RAPGEF5: variants seen among roughly 807,000 people sequenced by gnomAD.
RAPGEF5 encodes Rap guanine nucleotide exchange factor 5, also known as M-Ras-regulated GEF.
RAPGEF5 carries 65 observed loss-of-function variants against 125.2 expected under a neutral mutation model. That is an observed-to-expected ratio of 0.52 (90% CI 0.43 to 0.64). RAPGEF5 has a LOEUF of 0.64. Among genes scored for constraint, RAPGEF5 ranks in the 30% least tolerant of loss-of-function variants. The probability of loss-of-function intolerance (pLI) is 0.00; values close to 1 mark genes in which losing one functional copy is unlikely to be tolerated. For synonymous variants in RAPGEF5, 391 were observed against 385.9 expected (o/e 1.01, Z -0.16); for missense variants, 958 against 1,048.1 (o/e 0.91, Z 1.19).
chr7:22,133,682 C>T (rs1782991305), intron 23 of RAPGEF5, among the ~76,000 whole-genome samples: 2 of 152,282 alleles, frequency 1.3e-5, no homozygotes, highest in Non-Finnish European at 1.5e-5. Context: ...CCCAGTTTAT[C>T]CTCAAACAAC....
chr7:22,197,073 G>A (rs1163017415), intron 9 of RAPGEF5, among the ~76,000 whole-genome samples: 2 of 152,162 alleles, frequency 1.3e-5, no homozygotes, highest in East Asian at 1.9e-4. Context: ...GAGCCAGGAG[G>A]AGAGCCAGGA....
intron 1 of RAPGEF5, among the ~76,000 whole-genome samples, chr7:22,349,271 A>G (rs1784285583): frequency 6.6e-6 from 1 of 151,828 alleles, no homozygotes; most frequent in Non-Finnish European, 1.5e-5. Context: ...TAAAAATACA[A>G]AAATTAGCCA....
intron 7 of RAPGEF5, among the ~76,000 whole-genome samples, chr7:22,243,136 C>G (rs995040889): frequency 6.6e-6 from 1 of 152,094 alleles, no homozygotes; most frequent in Non-Finnish European, 1.5e-5. Context: ...CTCTATATTA[C>G]CATTTTTGAA....
At chr7:22,303,562 A>G (rs907305524) in intron 5 of RAPGEF5, among the ~76,000 whole-genome samples, 1 of 152,224 alleles carries the variant, frequency 6.6e-6, no homozygotes, top group African/African-American at 2.4e-5. Flanking sequence ...GAAGACACTT[A>G]GAAGACAGCA....
chr7:22,330,039 C>T (rs1783884870), intron 1 of RAPGEF5, among the ~76,000 whole-genome samples: 1 of 152,204 alleles, frequency 6.6e-6, no homozygotes, highest in Non-Finnish European at 1.5e-5. Context: ...TATAAAAAAG[C>T]TATGAAGCAA....
At chr7:22,344,997 C>T (rs532264699) in intron 1 of RAPGEF5, among the ~76,000 whole-genome samples, 2 of 152,354 alleles carry the variant, frequency 1.3e-5, no homozygotes, top group South Asian at 4.1e-4. Flanking sequence ...GATGCAGCAA[C>T]AGCATACCCT....
In RAPGEF5 at chr7:22,307,374, T is replaced by C. The variant is rs147139218; in HGVS notation, c.680+965A>G. On this transcript the variant is annotated intron_variant, in intron 5 of 25. Transcript: ENST00000665637. ...AGTGATTCAGTACTGTTTTTTCTAT[T>C]TCTTCAGTGCTCCTTTCAGCAATAT... Among the ~76,000 whole-genome samples, 8 of 152,276 alleles carry C rather than the reference T, an allele frequency of 5.3e-5. 1 individual carries two copies. The highest frequency in any genetic ancestry group is 1.9e-4 in the African/African-American group (8 of 41,552).
intron 19 of RAPGEF5, among the ~76,000 whole-genome samples, chr7:22,146,197 G>A (rs1181589343): frequency 6.6e-6 from 1 of 152,158 alleles, no homozygotes; most frequent in Non-Finnish European, 1.5e-5. Context: ...TCCTTCTTCA[G>A]AAGGAAAGGC....
Position 22,156,827 on chromosome 7 carries a change from A to C in RAPGEF5, c.1619T>G (p.Val540Gly), listed in dbSNP as rs756368754. The stretch of plus-strand genomic sequence containing the variant: ...ATACTCACTTTCCTCCGTTTCAGTC[A>C]CAGTTCCTCTATGCTGGAGCCAGTT... ...KENWLQHRGT[V>G]TETEEIFCHV... Residue 540 changes from valine (V) to glycine (G), a missense_variant, in exon 16 of 26, where the codon GTG becomes GGG. Physicochemically the swap from Val to Gly is moderately radical, Grantham distance 109 (BLOSUM62 -3). Transcript: ENST00000665637. 11 of 1,613,940 alleles carry C rather than the reference A, an allele frequency of 6.8e-6. No individual in the cohort carries two copies. The South Asian group carries it at 1.1e-4, about 16-fold the overall frequency.
intron 1 of RAPGEF5, among the ~76,000 whole-genome samples, chr7:22,331,533 C>G (rs1444014168): frequency 1.3e-5 from 2 of 152,120 alleles, no homozygotes; most frequent in East Asian, 3.9e-4. Flanking sequence ...ATCACGAGGT[C>G]AGGAGATCGA....
At chr7:22,132,235 G>A (rs530581438) in intron 23 of RAPGEF5, among the ~76,000 whole-genome samples, 79 of 152,190 alleles carry the variant, frequency 5.2e-4, no homozygotes, top group African/African-American at 1.7e-3. Context: ...CAAAACTCTG[G>A]GCCACAAAGC....
chr7:22,256,424 A>G lies in RAPGEF5; in HGVS notation c.796+10540T>C, dbSNP rs549649961. Among the ~76,000 whole-genome samples the G allele has an allele frequency of 1.7e-3, 264 of 152,328 alleles. 3 individuals carry two copies. Among genetic ancestry groups the G allele is most frequent in the Non-Finnish European group, 2.6e-4 (18 of 68,036 alleles). On this transcript the variant is annotated intron_variant, in intron 7 of 25. Transcript: ENST00000665637. ...AGGATTTTTAAATATTAGAGCTGGA[A>G]GGAATCACTGAGGTTACCAAATTTT...
intron 1 of RAPGEF5, among the ~76,000 whole-genome samples, chr7:22,319,117 C>A (rs139752434): frequency 5.7e-4 from 87 of 152,206 alleles, no homozygotes; most frequent in African/African-American, 1.8e-3. Flanking sequence ...TACGCTTAAG[C>A]ACAATACAGA....
At chr7:22,273,845 C>A (rs1239112875) in intron 6 of RAPGEF5, among the ~76,000 whole-genome samples, 2 of 152,060 alleles carry the variant, frequency 1.3e-5, no homozygotes, top group Non-Finnish European at 2.9e-5. Context: ...GTCACACACA[C>A]AAAAAATGGA....
intron 5 of RAPGEF5, among the ~76,000 whole-genome samples, chr7:22,302,664 TAC>T (rs2128150799): frequency 6.6e-6 from 1 of 152,084 alleles, no homozygotes; most frequent in African/African-American, 2.4e-5. Flanking sequence ...CAGGGAGAAA[TAC>T]AGAGACTGGG....
intron 2 of RAPGEF5, 110 bp from the exon 3 acceptor site, chr7:22,315,586 T>A: frequency 1.5e-6 from 1 of 650,988 alleles, no homozygotes; most frequent in Non-Finnish European, 1.9e-6. Context: ...TATTCATATA[T>A]TTATATATAA....
chr7:22,244,458 G>A (rs537473025), intron 7 of RAPGEF5, among the ~76,000 whole-genome samples: 2 of 152,078 alleles, frequency 1.3e-5, no homozygotes, highest in South Asian at 2.1e-4. Flanking sequence ...TCACAGAAGC[G>A]TGAACCCTAT....
chr7:22,128,844 T>C (rs1782828595), intron 24 of RAPGEF5, among the ~76,000 whole-genome samples: 1 of 152,240 alleles, frequency 6.6e-6, no homozygotes, highest in Non-Finnish European at 1.5e-5. Context: ...CTGCACCCAT[T>C]TCTTCATTCT....
intron 1 of RAPGEF5, chr7:22,356,351 G>A: frequency 1.4e-6 from 1 of 738,492 alleles, no homozygotes; most frequent in Non-Finnish European, 1.7e-6. Flanking sequence ...TCTGCCCCTC[G>A]GCGGTGGAGA....
Sources: gnomAD v4.1 joint callset for allele counts (sites outside exome capture counted in the v4.1 genomes callset) on GRCh38, gnomAD v4.1.1 for gene constraint, MANE v1.5 for transcripts, NCBI Gene and HGNC (gene_info 2026-07-23, HGNC 2026-07-21) for gene names.